CDC42EP3: variants seen among roughly 807,000 people sequenced by gnomAD.
The protein encoded by CDC42EP3 is CDC42 effector protein (Rho GTPase binding) 3.
CDC42EP3 carries 4 observed loss-of-function variants against 15.5 expected under a neutral mutation model. The observed-to-expected ratio is 0.26, with a 90% CI of 0.13 to 0.59. The LOEUF (loss-of-function observed/expected upper bound fraction) is 0.59, where lower values mean the gene tolerates loss of function less well. CDC42EP3 is among the 20% of genes least tolerant of loss of function. The probability of loss-of-function intolerance (pLI) is 0.89; values close to 1 mark genes in which losing one functional copy is unlikely to be tolerated. For missense variants in CDC42EP3, 309 were observed against 311.2 expected (o/e 0.99, Z 0.05); for synonymous variants, 145 against 130.3 (o/e 1.11, Z -0.77).
intron 1 of CDC42EP3, among the ~76,000 whole-genome samples, chr2:37,648,869 C>T (rs890774556): frequency 7.9e-5 from 12 of 152,038 alleles, no homozygotes; most frequent in African/African-American, 2.4e-4. Context: ...CACAGTGTGG[C>T]TGACTGCCTG....
In CDC42EP3 at chr2:37,660,399, A is replaced by G. The variant is rs1353731188; in HGVS notation, c.-236+11027T>C. ...TCATTCACACCTACATGCATCGGTT[A>G]TCTTCAGTTGGGGCTCTTCCAGCCT... On this transcript the variant is annotated intron_variant, in intron 1 of 1. Transcript: ENST00000295324. Among the ~76,000 whole-genome samples, 4 of 152,200 alleles carry G rather than the reference A, an allele frequency of 2.6e-5. No homozygotes were observed. The South Asian group carries it at 8.3e-4, about 32-fold the overall frequency.
Position 37,665,106 on chromosome 2 carries a change from C to T in CDC42EP3, c.-236+6320G>A, listed in dbSNP as rs373148417. 3.8e-4 allele frequency among the ~76,000 whole-genome samples: 54 copies of T among 140,284 alleles called. No homozygotes were observed. The East Asian group carries it at 6.1e-3, about 16-fold the overall frequency. 92.0% of individuals were successfully genotyped at this position (140,284 alleles called of 152,430 possible). A position where few individuals can be genotyped will look rare whatever the true frequency, so the allele number is the denominator to read the frequency against. ...TTCACCTTATGATCATGTGAGTCAACATTCCTTAATAAACTCCCCTTTATA... is the reference window on the plus strand; with the variant it reads ...TTCACCTTATGATCATGTGAGTCAATATTCCTTAATAAACTCCCCTTTATA... On this transcript the variant is annotated intron_variant, in intron 1 of 1. Coordinates refer to ENST00000295324, the MANE Select transcript of CDC42EP3 (RefSeq NM_006449.5).
At chr2:37,657,708 C>T (rs1317881823) in intron 1 of CDC42EP3, among the ~76,000 whole-genome samples, 2 of 152,180 alleles carry the variant, frequency 1.3e-5, no homozygotes, top group Non-Finnish European at 2.9e-5. Flanking sequence ...CATTTATGTA[C>T]TGTCTACAGC....
In CDC42EP3 at chr2:37,646,286, G is replaced by A. The variant is rs1665463509; in HGVS notation, c.302C>T (p.Pro101Leu). The A allele has an allele frequency of 6.2e-7, 1 of 1,614,166 alleles. No individual in the cohort carries two copies. The highest frequency in any genetic ancestry group is 8.5e-7 in the Non-Finnish European group (1 of 1,180,026). ...SDSVFTETPSPVLKNAISLPT... is the reference protein window; with the variant it reads ...SDSVFTETPSLVLKNAISLPT... ...GAGGGAGATGGCATTTTTGAGCACCGGGGAGGGCGTTTCTGTGAACACAGA... is the reference window on the plus strand; with the variant it reads ...GAGGGAGATGGCATTTTTGAGCACCAGGGAGGGCGTTTCTGTGAACACAGA... The change falls in exon 2 of 2, where the codon CCG becomes CTG. Residue 101 changes from proline to leucine, a missense_variant. Coordinates refer to ENST00000295324, the MANE Select transcript of CDC42EP3 (RefSeq NM_006449.5).
chr2:37,651,622 T>C (rs1332070944), intron 1 of CDC42EP3, among the ~76,000 whole-genome samples: 1 of 152,184 alleles, frequency 6.6e-6, no homozygotes, highest in African/African-American at 2.4e-5. Context: ...ATCTGTACTT[T>C]GTAAAAGGGA....
rs569474331 is a variant in CDC42EP3 at position 37,660,095 on chromosome 2, T to A, written c.-236+11331A>T. Among the ~76,000 whole-genome samples the A allele has an allele frequency of 2.5e-3, 388 of 152,316 alleles. 5 individuals are homozygous for A. Among genetic ancestry groups the A allele is most frequent in the African/African-American group, 8.9e-3 (368 of 41,574 alleles). Reference sequence around the variant, plus strand: ...TAGAGCTGAGTGTTAAAATCTACAGTGCTATGTAAACACAAGGCATTATCT... The same window carrying A: ...TAGAGCTGAGTGTTAAAATCTACAGAGCTATGTAAACACAAGGCATTATCT... On this transcript the variant is annotated intron_variant, in intron 1 of 1. Transcript: ENST00000295324.
upstream of CDC42EP3, among the ~76,000 whole-genome samples, chr2:37,672,886 C>T (rs558038532): frequency 6.6e-6 from 1 of 152,172 alleles, no homozygotes; most frequent in Non-Finnish European, 1.5e-5. Context: ...CTGGGTCTGT[C>T]TGAAACCTTA....
chr2:37,666,774 T>C (rs970375653), intron 1 of CDC42EP3, among the ~76,000 whole-genome samples: 11 of 152,120 alleles, frequency 7.2e-5, no homozygotes, highest in Non-Finnish European at 7.4e-5. Context: ...ATCATGTGAT[T>C]CTGATGAAAC....
chr2:37,666,021 C>T (rs1459262718), intron 1 of CDC42EP3, among the ~76,000 whole-genome samples: 1 of 152,158 alleles, frequency 6.6e-6, no homozygotes, highest in Non-Finnish European at 1.5e-5. Flanking sequence ...CACACAGACA[C>T]CCCTTTTGAT....
rs975934156 is a variant in CDC42EP3 at position 37,644,029 on chromosome 2, A to G, written c.*1794T>C. 1 of 149,978 alleles carries G rather than the reference A, an allele frequency of 6.7e-6. No homozygotes were observed. Among genetic ancestry groups the G allele is most frequent in the Non-Finnish European group, 1.5e-5 (1 of 67,706 alleles). 9.3% of individuals were successfully genotyped at this position (149,978 alleles called of 1,614,324 possible). On this transcript the variant is annotated 3_prime_UTR_variant, in exon 2 of 2. Transcript: ENST00000295324. ...TATTTTTATTTTTTTAAGCTCATCAACTATGGTTAGTGTTAGTGTGTTTTA... is the reference window on the plus strand; with the variant it reads ...TATTTTTATTTTTTTAAGCTCATCAGCTATGGTTAGTGTTAGTGTGTTTTA...
intron 1 of CDC42EP3, among the ~76,000 whole-genome samples, chr2:37,654,406 A>G (rs573421527): frequency 1.3e-5 from 2 of 152,300 alleles, no homozygotes; most frequent in South Asian, 4.2e-4. Flanking sequence ...AGGGATCTGA[A>G]GGATTCATTT....
At chr2:37,658,501 C>A (rs763147153) in intron 1 of CDC42EP3, among the ~76,000 whole-genome samples, 6 of 152,190 alleles carry the variant, frequency 3.9e-5, no homozygotes, top group African/African-American at 7.2e-5. Flanking sequence ...CCTTTCCCTT[C>A]CCTTATATTC....
intron 1 of CDC42EP3, among the ~76,000 whole-genome samples, chr2:37,651,708 G>T (rs1021714839): frequency 1.3e-5 from 2 of 152,214 alleles, no homozygotes; most frequent in Non-Finnish European, 2.9e-5. Flanking sequence ...GGATGCAGGA[G>T]GAGCTGCTGG....
At position 37,656,830 on chromosome 2, in the gene CDC42EP3, G is replaced by A. The variant is rs576971024; in HGVS notation, c.-235-10008C>T. Among the ~76,000 whole-genome samples, 10 of 152,194 alleles carry A rather than the reference G, an allele frequency of 6.6e-5. No homozygotes were observed. In the South Asian group the frequency reaches 1.9e-3, roughly 28 times the overall value. On this transcript the variant is annotated intron_variant, in intron 1 of 1. Transcript: ENST00000295324. The stretch of plus-strand genomic sequence containing the variant: ...AGATGCTAACCTGACCTTGTCAGAA[G>A]CCAAAAATGAGAAGAAGGGTCCTAG...
chr2:37,666,820 T>C (rs531574027), intron 1 of CDC42EP3, among the ~76,000 whole-genome samples: 23 of 152,124 alleles, frequency 1.5e-4, no homozygotes, highest in African/African-American at 5.1e-4. Flanking sequence ...AAGCTTTTTT[T>C]TTTTTTTAAG....
chr2:37,669,436 G>A (rs1477569388), intron 1 of CDC42EP3, among the ~76,000 whole-genome samples: 1 of 152,304 alleles, frequency 6.6e-6, no homozygotes, highest in East Asian at 1.9e-4. Flanking sequence ...TGCAATCACT[G>A]TTACGGCTTT....
At chr2:37,662,377 A>G (rs1210394746) in intron 1 of CDC42EP3, among the ~76,000 whole-genome samples, 1 of 152,222 alleles carries the variant, frequency 6.6e-6, no homozygotes, top group African/African-American at 2.4e-5. Context: ...AAATTACCCC[A>G]AAAAGCTGGA....
In CDC42EP3 at chr2:37,645,111, T is replaced by G. The variant is rs1444833220; in HGVS notation, c.*712A>C. The G allele has an allele frequency of 1.3e-5, 2 of 152,430 alleles. No homozygotes were observed. The highest frequency in any genetic ancestry group is 4.8e-5 in the African/African-American group (2 of 41,410). 9.4% of individuals were successfully genotyped at this position (152,430 alleles called of 1,614,324 possible). A position where few individuals can be genotyped will look rare whatever the true frequency, so the allele number is the denominator to read the frequency against. ...ACAATGGAATCCCAATGGAAATAAG[T>G]GACAACATCTGATGTAGAATCTATA... On this transcript the variant is annotated 3_prime_UTR_variant, in exon 2 of 2. Coordinates refer to ENST00000295324, the MANE Select transcript of CDC42EP3 (RefSeq NM_006449.5).
At chr2:37,671,272 T>C (rs1666409809) in intron 1 of CDC42EP3, among the ~76,000 whole-genome samples, 154 bp downstream of exon 1, 1 of 152,208 alleles carries the variant, frequency 6.6e-6, no homozygotes, top group African/African-American at 2.4e-5. Flanking sequence ...TTCGTTCCGT[T>C]GGACACTAGA....
Sources: gnomAD v4.1 joint callset for allele counts (sites outside exome capture counted in the v4.1 genomes callset) on GRCh38, gnomAD v4.1.1 for gene constraint, MANE v1.5 for transcripts, NCBI Gene and HGNC (gene_info 2026-07-23, HGNC 2026-07-21) for gene names.